Variants in LIPC observed in about 807,000 individuals in gnomAD.
The protein encoded by LIPC is hepatic triacylglycerol lipase.
A neutral mutation model predicts 50.7 loss-of-function variants in LIPC; 44 were observed. The ratio of observed to expected loss-of-function variants is 0.87; its 90% CI spans 0.68 to 1.11. The LOEUF (loss-of-function observed/expected upper bound fraction) is 1.11. Ranked by LOEUF, LIPC falls within the 50% of genes most tolerant of loss-of-function variation. The pLI is 0.00. For missense variants in LIPC, 697 were observed against 648.2 expected (o/e 1.08, Z -0.82); for synonymous variants, 271 against 256.4 (o/e 1.06, Z -0.54).
intron 1 of LIPC, among the ~76,000 whole-genome samples, chr15:58,446,544 T>A (rs1326009450): frequency 1.3e-5 from 2 of 152,210 alleles, no homozygotes; most frequent in Admixed American, 1.3e-4. Flanking sequence ...TTCTGCCATG[T>A]CTCCCCAGTG....
At chr15:58,497,540 G>A (rs779813566) in intron 1 of LIPC, among the ~76,000 whole-genome samples, 1 of 152,112 alleles carries the variant, frequency 6.6e-6, no homozygotes, top group Non-Finnish European at 1.5e-5. Context: ...ACCGTCAGAT[G>A]GAAACATCCT....
Position 58,568,961 on chromosome 15 carries a change from T to G in LIPC, c.*134T>G. The G allele has an allele frequency of 1.7e-6, 1 of 590,442 alleles. No individual in the cohort carries two copies. The highest frequency in any genetic ancestry group is 3.0e-6 in the Non-Finnish European group (1 of 337,396). 36.6% of individuals were successfully genotyped at this position (590,442 alleles called of 1,614,324 possible). On this transcript the variant is annotated 3_prime_UTR_variant, in exon 9 of 9. Coordinates refer to ENST00000299022, the MANE Select transcript of LIPC (RefSeq NM_000236.3). ...ATAAAGTTTAGATTTAAGGGGGGTA[T>G]GTTTCACTCTCATAAACTGAGCTTT...
rs576702021 is a variant in LIPC, at chr15:58,509,739, T to C, written c.89-28594T>C. 2.0e-5 allele frequency among the ~76,000 whole-genome samples: 3 copies of C among 152,300 alleles called. No homozygotes were observed. In the South Asian group the frequency reaches 6.2e-4, roughly 32 times the overall value. ...CCTATACTCCCAAATTTACCCTGCTTGGTGACCAAGAATCACTTCTGTCCC... is the reference window on the plus strand; with the variant it reads ...CCTATACTCCCAAATTTACCCTGCTCGGTGACCAAGAATCACTTCTGTCCC... On this transcript the variant is annotated intron_variant, in intron 1 of 8. Transcript: ENST00000299022.
At chr15:58,552,707 ACTT>A (rs1281059846) in intron 6 of LIPC, among the ~76,000 whole-genome samples, 1 of 152,174 alleles carries the variant, frequency 6.6e-6, no homozygotes, top group African/African-American at 2.4e-5. Flanking sequence ...TCTCTCAGCT[ACTT>A]CTTTGGAAGG....
At chr15:58,537,754 G>A (rs1273253014) in intron 1 of LIPC, among the ~76,000 whole-genome samples, 2 of 152,072 alleles carry the variant, frequency 1.3e-5, no homozygotes, top group African/African-American at 4.8e-5. Context: ...CCCTCAAGCG[G>A]CATCCACTAC....
At chr15:58,527,548 G>A (rs184989474) in intron 1 of LIPC, among the ~76,000 whole-genome samples, 1 of 152,284 alleles carries the variant, frequency 6.6e-6, no homozygotes, top group Admixed American at 6.5e-5. Flanking sequence ...ACCCACCAAT[G>A]GAGTTCATCT....
chr15:58,540,646 A>G (rs1325526245), intron 2 of LIPC, among the ~76,000 whole-genome samples: 2 of 151,938 alleles, frequency 1.3e-5, no homozygotes, highest in Admixed American at 1.3e-4. Flanking sequence ...TTCACCTCCT[A>G]TTGTCTAGCC....
At chr15:58,484,923 G>A (rs1891316620) in intron 1 of LIPC, among the ~76,000 whole-genome samples, 1 of 152,206 alleles carries the variant, frequency 6.6e-6, no homozygotes, top group African/African-American at 2.4e-5. Flanking sequence ...GGGTGGGGAA[G>A]GAGTGCAATG....
chr15:58,520,117 T>G (rs1054497888), intron 1 of LIPC, among the ~76,000 whole-genome samples: 5 of 142,974 alleles, frequency 3.5e-5, no homozygotes, highest in Admixed American at 3.5e-4. Flanking sequence ...GGGCTGTTTT[T>G]TTTTTGTTTT....
Position 58,541,851 on chromosome 15 carries a change from C to A in LIPC, c.340C>A (p.Pro114Thr), listed in dbSNP as rs756311428. The A allele has an allele frequency of 7.7e-5, 125 of 1,613,078 alleles. No homozygotes were observed. Among genetic ancestry groups the A allele is most frequent in the Non-Finnish European group, 1.0e-4 (119 of 1,179,994 alleles). ...CGCGCTGAAGTCTCAGCCGGCCCAG[C>A]CAGTGAACGTGGGGCTGGTGGACTG... is the stretch of plus-strand genomic sequence containing the variant. The part of the protein sequence containing the change: ...VAALKSQPAQ[P>T]VNVGLVDWIT... The change falls in exon 3 of 9, where the codon CCA (proline) becomes ACA (threonine). Residue 114 changes from proline (P) to threonine (T), a missense_variant. Coordinates refer to ENST00000299022, the MANE Select transcript of LIPC (RefSeq NM_000236.3).
At chr15:58,512,959 A>T (rs1381164645) in intron 1 of LIPC, among the ~76,000 whole-genome samples, 3 of 151,074 alleles carry the variant, frequency 2.0e-5, no homozygotes, top group Non-Finnish European at 4.4e-5. Context: ...CAAAGCATCA[A>T]CGAAAAAAAA....
chr15:58,459,382 A>C (rs1344504259), intron 1 of LIPC, among the ~76,000 whole-genome samples: 1 of 148,238 alleles, frequency 6.7e-6, no homozygotes. Flanking sequence ...AATCTTTTGG[A>C]GAATCGACTT....
rs761213115 is a variant in LIPC, at chr15:58,542,608, C to T, written c.531C>T (p.Ala177=). Residue 177 remains alanine, a synonymous_variant, in exon 4 of 9, where the codon GCC becomes GCT. Transcript: ENST00000299022. ...YSLGAHVSGF[A]GSSIGGTHKI... The stretch of plus-strand genomic sequence containing the variant: ...TGGGTGCACACGTGTCAGGATTTGC[C>T]GGCAGTTCCATCGGTGGAACGCACA... The T allele has an allele frequency of 5.4e-5, 87 of 1,613,638 alleles. No individual in the cohort carries two copies. In the East Asian group the frequency reaches 5.6e-4, roughly 10 times the overall value.
At chr15:58,567,231 GTA>G (rs1161438569) in intron 8 of LIPC, among the ~76,000 whole-genome samples, 2 of 136,050 alleles carry the variant, frequency 1.5e-5, no homozygotes, top group African/African-American at 5.5e-5. Flanking sequence ...ATATATATAT[GTA>G]TATATGTGTG....
chr15:58,448,821 G>A (rs1220892037), intron 1 of LIPC, among the ~76,000 whole-genome samples: 1 of 152,246 alleles, frequency 6.6e-6, no homozygotes, highest in Non-Finnish European at 1.5e-5. Context: ...CAGCAGAGTG[G>A]CAAGTAGTAA....
At chr15:58,457,315 G>A (rs1894164303) in intron 1 of LIPC, among the ~76,000 whole-genome samples, 1 of 152,128 alleles carries the variant, frequency 6.6e-6, no homozygotes, top group South Asian at 2.1e-4. Context: ...TCTCCACTTT[G>A]GTCATGCTGG....
chr15:58,457,033 C>G (rs1230514131), intron 1 of LIPC, among the ~76,000 whole-genome samples: 7 of 152,212 alleles, frequency 4.6e-5, no homozygotes, highest in Admixed American at 1.3e-4. Context: ...CCTTTGTCAG[C>G]ATGCAGGTAT....
chr15:58,527,993 C>A (rs1892843051), intron 1 of LIPC, among the ~76,000 whole-genome samples: 1 of 152,122 alleles, frequency 6.6e-6, no homozygotes, highest in South Asian at 2.1e-4. Flanking sequence ...TCAGCCCACA[C>A]TCCCCACCCA....
At chr15:58,563,144 C>G (rs1440227543) in intron 7 of LIPC, among the ~76,000 whole-genome samples, 2 of 152,112 alleles carry the variant, frequency 1.3e-5, no homozygotes, top group East Asian at 3.9e-4. Flanking sequence ...TATGTTAAAC[C>G]TACAGAGAGC....
Sources: allele counts gnomAD v4.1 joint callset (sites outside exome capture counted in the v4.1 genomes callset), GRCh38; gene constraint gnomAD v4.1.1; transcripts MANE v1.5; gene names NCBI Gene and HGNC (gene_info 2026-07-23, HGNC 2026-07-21).